Variants in PRDM11 observed in about 807,000 individuals in gnomAD.
PRDM11 encodes the protein PR/SET domain 11, also known as PR domain-containing protein 11.
Under a neutral mutation model 97.8 loss-of-function variants are expected in PRDM11, and 20 were observed. That is an observed-to-expected ratio of 0.20 (90% CI 0.14 to 0.30). The LOEUF is 0.30. Ranked by LOEUF, PRDM11 falls within the 10% of genes least tolerant of loss-of-function variation. PRDM11 has a pLI of 1.00. For synonymous variants in PRDM11, 599 were observed against 637.7 expected (o/e 0.94, Z 0.91); for missense variants, 1,139 against 1,555.2 (o/e 0.73, Z 4.50).
intron 1 of PRDM11, among the ~76,000 whole-genome samples, chr11:45,151,743 C>G (rs979212052): frequency 6.6e-6 from 1 of 152,106 alleles, no homozygotes; most frequent in South Asian, 2.1e-4. Flanking sequence ...TTTAGGTTGG[C>G]CTTTGGAGAG....
chr11:45,201,171 A>C (rs1399462041), intron 4 of PRDM11, among the ~76,000 whole-genome samples: 1 of 152,236 alleles, frequency 6.6e-6, no homozygotes, highest in Non-Finnish European at 1.5e-5. Context: ...AGTACCCTAG[A>C]GAGCATAGAA....
At chr11:45,221,176 A>C (rs1360737790) in intron 6 of PRDM11, among the ~76,000 whole-genome samples, 1 of 152,222 alleles carries the variant, frequency 6.6e-6, no homozygotes, top group East Asian at 1.9e-4. Context: ...ACTTGGTAAA[A>C]GGTATCTGGA....
chr11:45,228,071 C>T lies in PRDM11; in HGVS notation c.3446C>T (p.Ala1149Val), dbSNP rs1251050155. 28 of 1,533,742 alleles carry T rather than the reference C, an allele frequency of 1.8e-5. No individual in the cohort carries two copies. In the East Asian group the frequency reaches 6.1e-4, roughly 33 times the overall value. Residue 1149 changes from alanine (A) to valine (V), a missense_variant, in exon 8 of 8, where the codon GCA becomes GTA. Ala to Val is a moderately conservative substitution (Grantham distance 64). Transcript: ENST00000683152. ...EKSGNSYALS[A>V]EVLSRMSALE... ...TCTGGGAACAGTTACGCGCTGTCTGCAGAAGTCCTCAGTAGGATGTCTGCG... is the reference window on the plus strand; with the variant it reads ...TCTGGGAACAGTTACGCGCTGTCTGTAGAAGTCCTCAGTAGGATGTCTGCG...
At chr11:45,158,432 G>A (rs1851852957) in intron 1 of PRDM11, among the ~76,000 whole-genome samples, 2 of 152,260 alleles carry the variant, frequency 1.3e-5, no homozygotes, top group South Asian at 4.1e-4. Flanking sequence ...TCTGGCTGCT[G>A]TTCAACAGGG....
At chr11:45,203,143 T>A (rs1435002512) in intron 4 of PRDM11, among the ~76,000 whole-genome samples, 1 of 151,930 alleles carries the variant, frequency 6.6e-6, no homozygotes, top group Non-Finnish European at 1.5e-5. Flanking sequence ...TAGGTAGGAG[T>A]CTAGGCATGG....
At chr11:45,140,650 T>C (rs73464579) in intron 1 of PRDM11, among the ~76,000 whole-genome samples, 4,555 of 152,178 alleles carry the variant, frequency 0.03, 245 homozygotes, top group African/African-American at 0.1. Flanking sequence ...TTCCTGGAGC[T>C]TATCTGTCTC....
chr11:45,105,692 G>A (rs1331766029), intron 1 of PRDM11, among the ~76,000 whole-genome samples: 1 of 152,252 alleles, frequency 6.6e-6, no homozygotes, highest in Non-Finnish European at 1.5e-5. Context: ...CCGCCACCTG[G>A]TGGCCACAAC....
chr11:45,222,209 A>G (rs1161048095), intron 6 of PRDM11, among the ~76,000 whole-genome samples: 1 of 152,136 alleles, frequency 6.6e-6, no homozygotes, highest in African/African-American at 2.4e-5. Context: ...TTTGTTTTCC[A>G]TGTTGTATGG....
intron 5 of PRDM11, among the ~76,000 whole-genome samples, chr11:45,216,832 A>C (rs1004329898): frequency 2.0e-5 from 3 of 152,232 alleles, no homozygotes; most frequent in Non-Finnish European, 4.4e-5. Context: ...AGTCTTTCTA[A>C]ACCTTTTGAC....
intron 4 of PRDM11, among the ~76,000 whole-genome samples, chr11:45,202,382 A>G (rs985106144): frequency 6.6e-6 from 1 of 152,226 alleles, no homozygotes; most frequent in Non-Finnish European, 1.5e-5. Context: ...AGATAATGCC[A>G]TGATAGACCA....
intron 1 of PRDM11, among the ~76,000 whole-genome samples, chr11:45,098,684 G>A (rs1172697488): frequency 6.6e-6 from 1 of 152,122 alleles, no homozygotes; most frequent in Non-Finnish European, 1.5e-5. Context: ...CTAGAAAGGG[G>A]CAATGGAGAA....
intron 1 of PRDM11, among the ~76,000 whole-genome samples, chr11:45,134,968 C>CA (rs906375854): frequency 1.3e-5 from 2 of 151,572 alleles, no homozygotes; most frequent in East Asian, 1.9e-4. Flanking sequence ...CTGATAGATA[C>CA]AAAAAAAGGC....
At position 45,224,549 on chromosome 11, in the gene PRDM11, ACCCAGGGGGAGGGGGACTGGAAGGTCC is replaced by A. The variant is rs1854214344; in HGVS notation, c.1085_1111del (p.Glu362_Gly370del). 6.2e-7 allele frequency: 1 copy of A among 1,614,026 alleles called. No homozygotes were observed. The highest frequency in any genetic ancestry group is 2.2e-5 in the East Asian group (1 of 44,854). ...CCATGGTGTGCAGAATATAGGCCAG[ACCCAGGGGGAGGGGGACTGGAAGGTCC>A]CCCAGGGGGTCTCCAAGGAGCCAGG... On this transcript the variant is annotated inframe_deletion, in exon 7 of 8. Coordinates refer to ENST00000683152, the MANE Select transcript of PRDM11 (RefSeq NM_001384648.1).
At chr11:45,201,281 C>A (rs1329647266) in intron 4 of PRDM11, among the ~76,000 whole-genome samples, 1 of 152,134 alleles carries the variant, frequency 6.6e-6, no homozygotes, top group African/African-American at 2.4e-5. Context: ...AAGTTTATAT[C>A]ATTTAGTTTT....
intron 1 of PRDM11, among the ~76,000 whole-genome samples, chr11:45,172,002 C>A (rs1852213589): frequency 6.6e-6 from 1 of 152,244 alleles, no homozygotes; most frequent in Admixed American, 6.5e-5. Flanking sequence ...AATTCAGACA[C>A]TGGTCATAAG....
chr11:45,108,359 C>T (rs1420628363), intron 1 of PRDM11, among the ~76,000 whole-genome samples: 1 of 152,194 alleles, frequency 6.6e-6, no homozygotes, highest in African/African-American at 2.4e-5. Context: ...TCCAATTGGG[C>T]CCCTGGGACC....
In PRDM11 at chr11:45,204,705, T is replaced by A. The variant is rs1367695207; in HGVS notation, c.487-6T>A. 6.2e-7 allele frequency: 1 copy of A among 1,609,888 alleles called. No homozygotes were observed. The highest frequency in any genetic ancestry group is 8.5e-7 in the Non-Finnish European group (1 of 1,176,220). ...GCCCATCCTAGACTCTTTCTCTTTC[T>A]TCCAGATTGTGGACAAGAACAACCG... On this transcript the variant is annotated splice_polypyrimidine_tract_variant and splice_region_variant and intron_variant, in intron 4 of 7. Transcript: ENST00000683152.
At chr11:45,163,244 C>T (rs993106709) in intron 1 of PRDM11, among the ~76,000 whole-genome samples, 40 of 152,240 alleles carry the variant, frequency 2.6e-4, no homozygotes, top group African/African-American at 8.2e-4. Flanking sequence ...GGCCAGCATG[C>T]GTGCTGACCC....
intron 1 of PRDM11, among the ~76,000 whole-genome samples, chr11:45,099,179 G>A (rs535831484): frequency 6.6e-6 from 1 of 151,772 alleles, no homozygotes; most frequent in South Asian, 2.1e-4. Flanking sequence ...TGGGCCGGGT[G>A]TGGTGGCTCA....
Sources: gnomAD v4.1 joint callset for allele counts (sites outside exome capture counted in the v4.1 genomes callset) on GRCh38, gnomAD v4.1.1 for gene constraint, MANE v1.5 for transcripts, NCBI Gene and HGNC (gene_info 2026-07-23, HGNC 2026-07-21) for gene names.